The following WWOX variants were observed in gnomAD, a reference collection of about 807,000 sequenced individuals.
The protein encoded by WWOX is WW domain-containing oxidoreductase.
A neutral mutation model predicts 46.2 loss-of-function variants in WWOX; 69 were observed. The observed-to-expected ratio is 1.49, with a 90% CI of 1.23 to 1.82. WWOX has a LOEUF of 1.82. Among genes scored for constraint, WWOX ranks in the 40% most tolerant of loss-of-function variants. WWOX has a pLI of 0.00. For synonymous variants in WWOX, 359 were observed against 202.6 expected (o/e 1.77, Z -6.56); for missense variants, 919 against 542.6 (o/e 1.69, Z -6.89).
intron 8 of WWOX, among the ~76,000 whole-genome samples, chr16:78,530,367 T>A (rs2043593347): frequency 6.6e-6 from 1 of 152,054 alleles, no homozygotes; most frequent in Admixed American, 6.6e-5. Context: ...GGATGGCAGA[T>A]GTGGGGGATT....
chr16:78,229,855 C>T (rs1237667360), intron 5 of WWOX, among the ~76,000 whole-genome samples: 1 of 151,956 alleles, frequency 6.6e-6, no homozygotes, highest in East Asian at 1.9e-4. Flanking sequence ...TATTTCTTTT[C>T]ATTTCTTGTG....
At chr16:78,952,590 G>A (rs1463997919) in intron 8 of WWOX, among the ~76,000 whole-genome samples, 4 of 151,948 alleles carry the variant, frequency 2.6e-5, no homozygotes, top group Non-Finnish European at 5.9e-5. Context: ...TGCCATGTTG[G>A]CCAGCCTGGT....
At chr16:78,322,082 A>G (rs557196353) in intron 5 of WWOX, among the ~76,000 whole-genome samples, 40 of 152,290 alleles carry the variant, frequency 2.6e-4, no homozygotes, top group African/African-American at 9.1e-4. Context: ...ACAAAAAGCC[A>G]AATGGTTTCA....
chr16:78,552,614 A>G (rs375885168), intron 8 of WWOX: 50 of 152,328 alleles, frequency 3.3e-4, no homozygotes, highest in African/African-American at 1.2e-3. Context: ...CTCATACGGC[A>G]TCCACGCGTG....
intron 4 of WWOX, among the ~76,000 whole-genome samples, chr16:78,162,402 C>G (rs974551968): frequency 1.3e-5 from 2 of 151,784 alleles, no homozygotes; most frequent in Non-Finnish European, 2.9e-5. Context: ...ATATGTGTAT[C>G]TACACACACA....
chr16:78,733,657 A>C (rs960809467), intron 8 of WWOX, among the ~76,000 whole-genome samples: 4 of 151,840 alleles, frequency 2.6e-5, no homozygotes, highest in Admixed American at 2.6e-4. Context: ...CGGTAGCCTG[A>C]GGCAGGAGAA....
intron 8 of WWOX, among the ~76,000 whole-genome samples, chr16:78,818,170 C>A (rs560980472): frequency 6.6e-6 from 1 of 152,156 alleles, no homozygotes; most frequent in East Asian, 1.9e-4. Context: ...TGTGCCCTTG[C>A]AGAAGGTAGT....
rs1336511078 is a variant in WWOX, at chr16:78,110,651, A to G, written c.230+816A>G. On this transcript the variant is annotated intron_variant, in intron 3 of 8. Coordinates refer to ENST00000566780, the MANE Select transcript of WWOX (RefSeq NM_016373.4). ...GGATAAATTCCGGTATCACGCAGCA[A>G]TAGTAACCACCTGTCCAACATATAG... Among the ~76,000 whole-genome samples the G allele has an allele frequency of 3.3e-5, 5 of 152,278 alleles. No homozygotes were observed. In the East Asian group the frequency reaches 5.8e-4, roughly 18 times the overall value.
chr16:78,991,648 C>A (rs2046889625), intron 8 of WWOX, among the ~76,000 whole-genome samples: 1 of 148,214 alleles, frequency 6.7e-6, no homozygotes, highest in South Asian at 2.2e-4. Context: ...GGTGGGGCCC[C>A]TTGGGTAACT....
In WWOX at chr16:78,899,117, G is replaced by C. The variant is rs2044766893; in HGVS notation, c.1057-312491G>C. On this transcript the variant is annotated intron_variant, in intron 8 of 8. Coordinates refer to ENST00000566780, the MANE Select transcript of WWOX (RefSeq NM_016373.4). The stretch of plus-strand genomic sequence containing the variant: ...TTTAATGCACTGGCTATAGCCTGTA[G>C]GACAGTGTTGAACAGAGGTTTTGAG... 2.6e-5 allele frequency: 4 copies of C among 151,970 alleles called. No homozygotes were observed. In the South Asian group the frequency reaches 8.3e-4, roughly 31 times the overall value. The allele number at this position is 151,970 out of a possible 1,614,324, so 9.4% of individuals were successfully genotyped here.
intron 8 of WWOX, chr16:79,203,728 TG>T: frequency 6.6e-6 from 1 of 152,160 alleles, no homozygotes; most frequent in East Asian, 1.9e-4. Flanking sequence ...AGGGAGAAGC[TG>T]TTTGTTTTAC....
At chr16:78,165,190 A>T (rs768993259) in intron 5 of WWOX, among the ~76,000 whole-genome samples, 1 of 152,184 alleles carries the variant, frequency 6.6e-6, no homozygotes, top group Non-Finnish European at 1.5e-5. Flanking sequence ...CTAGAGAGTG[A>T]TGCGAGCTGT....
intron 6 of WWOX, among the ~76,000 whole-genome samples, chr16:78,409,199 A>G (rs988291782): frequency 2.0e-5 from 3 of 152,282 alleles, no homozygotes; most frequent in South Asian, 2.1e-4. Flanking sequence ...ATTGGTTTAA[A>G]AAAAATTTTT....
At chr16:78,809,432 T>C (rs1351278664) in intron 8 of WWOX, among the ~76,000 whole-genome samples, 1 of 152,140 alleles carries the variant, frequency 6.6e-6, no homozygotes, top group East Asian at 1.9e-4. Context: ...TATGTATTAA[T>C]GAGATGAAAT....
intron 8 of WWOX, among the ~76,000 whole-genome samples, chr16:78,832,053 A>G (rs2051841909): frequency 6.6e-6 from 1 of 152,186 alleles, no homozygotes; most frequent in Non-Finnish European, 1.5e-5. Flanking sequence ...AAATGTAAGC[A>G]CTTAGAATCT....
At chr16:78,894,191 C>T (rs1278703853) in intron 8 of WWOX, among the ~76,000 whole-genome samples, 1 of 152,044 alleles carries the variant, frequency 6.6e-6, no homozygotes, top group Non-Finnish European at 1.5e-5. Flanking sequence ...GGCAAGTGTA[C>T]TGTGGCAATT....
rs575104605 is a variant in WWOX at position 79,165,860 on chromosome 16, C to G, written c.1057-45748C>G. 2.6e-5 allele frequency among the ~76,000 whole-genome samples: 4 copies of G among 152,314 alleles called. No individual in the cohort carries two copies. In the East Asian group the frequency reaches 5.8e-4, roughly 22 times the overall value. ...CCGAACCGGGAACAGGGTTATAACT[C>G]AGTCTAAGCACCCGTCCCTCTTCTA... is the stretch of plus-strand genomic sequence containing the variant. On this transcript the variant is annotated intron_variant, in intron 8 of 8. Coordinates refer to ENST00000566780, the MANE Select transcript of WWOX (RefSeq NM_016373.4).
At chr16:78,696,992 G>C (rs1280909957) in intron 8 of WWOX, among the ~76,000 whole-genome samples, 3 of 152,142 alleles carry the variant, frequency 2.0e-5, no homozygotes, top group Non-Finnish European at 4.4e-5. Flanking sequence ...AATGCCATCA[G>C]TTCATTCCTT....
intron 5 of WWOX, among the ~76,000 whole-genome samples, chr16:78,182,375 A>G (rs1215282431): frequency 6.6e-6 from 1 of 151,996 alleles, no homozygotes; most frequent in East Asian, 1.9e-4. Context: ...TCTTGTTCCA[A>G]CCATATCAAA....
Sources: allele counts gnomAD v4.1 joint callset (sites outside exome capture counted in the v4.1 genomes callset), GRCh38; gene constraint gnomAD v4.1.1; transcripts MANE v1.5; gene names NCBI Gene and HGNC (gene_info 2026-07-23, HGNC 2026-07-21).